BBS9: variants seen among roughly 807,000 people sequenced by gnomAD.
The protein encoded by BBS9 is protein PTHB1.
A neutral mutation model predicts 117.7 loss-of-function variants in BBS9; 89 were observed. The ratio of observed to expected loss-of-function variants is 0.76; its 90% CI spans 0.64 to 0.90. The LOEUF is 0.90. BBS9 is among the 40% of genes least tolerant of loss of function. The pLI is 0.00. For missense variants in BBS9, 982 were observed against 1,042.2 expected (o/e 0.94, Z 0.80); for synonymous variants, 379 against 370.9 (o/e 1.02, Z -0.25).
intron 19 of BBS9, among the ~76,000 whole-genome samples, chr7:33,494,834 G>A (rs757500119): frequency 5.3e-5 from 8 of 152,094 alleles, no homozygotes; most frequent in African/African-American, 9.7e-5. Context: ...CTTCACCAAG[G>A]CAACTTCCAA....
intron 16 of BBS9, among the ~76,000 whole-genome samples, chr7:33,362,278 C>A (rs1049449018): frequency 6.6e-6 from 1 of 151,948 alleles, no homozygotes; most frequent in African/African-American, 2.4e-5. Flanking sequence ...CTTCATAAAC[C>A]CCCCCGTTTA....
At chr7:33,545,085 G>A (rs534720144) in intron 21 of BBS9, among the ~76,000 whole-genome samples, 5 of 152,144 alleles carry the variant, frequency 3.3e-5, no homozygotes, top group Non-Finnish European at 4.4e-5. Flanking sequence ...GGCAGAGGGC[G>A]AGATGAGCTT....
At chr7:33,502,596 C>T (rs962351548) in intron 19 of BBS9, among the ~76,000 whole-genome samples, 3 of 152,134 alleles carry the variant, frequency 2.0e-5, no homozygotes, top group African/African-American at 7.2e-5. Context: ...AGCTGGCTTG[C>T]AAAATTTCTG....
At chr7:33,420,672 A>T (rs529584149) in intron 19 of BBS9, among the ~76,000 whole-genome samples, 22 of 152,232 alleles carry the variant, frequency 1.4e-4, no homozygotes, top group African/African-American at 4.8e-4. Context: ...TTGGAAAAGA[A>T]ATGTTCCATG....
chr7:33,511,410 G>T (rs1008159317), intron 20 of BBS9, among the ~76,000 whole-genome samples: 2 of 152,186 alleles, frequency 1.3e-5, no homozygotes, highest in African/African-American at 2.4e-5. Flanking sequence ...AATGAAAAGA[G>T]CAATAGTGCA....
chr7:33,220,313 C>T (rs1790000715), intron 5 of BBS9, among the ~76,000 whole-genome samples: 1 of 152,092 alleles, frequency 6.6e-6, no homozygotes, highest in South Asian at 2.1e-4. Context: ...AAGGGAGGGG[C>T]ATATTTCCAT....
chr7:33,161,227 C>T (rs1287154194), intron 4 of BBS9, among the ~76,000 whole-genome samples: 6 of 152,038 alleles, frequency 3.9e-5, no homozygotes, highest in South Asian at 2.1e-4. Flanking sequence ...ACCATTAACT[C>T]GTCATTTACA....
intron 19 of BBS9, among the ~76,000 whole-genome samples, chr7:33,463,646 T>C (rs764330276): frequency 6.6e-6 from 1 of 152,082 alleles, no homozygotes; most frequent in Non-Finnish European, 1.5e-5. Flanking sequence ...GCTAGTACAA[T>C]CGGGTTTATA....
chr7:33,380,672 C>G (rs574293323), intron 17 of BBS9: 2 of 152,282 alleles, frequency 1.3e-5, no homozygotes, highest in Non-Finnish European at 2.9e-5. Flanking sequence ...CCCATACCTG[C>G]CACCACCACC....
At chr7:33,275,609 A>G (rs987977953) in intron 9 of BBS9, among the ~76,000 whole-genome samples, 1 of 152,262 alleles carries the variant, frequency 6.6e-6, no homozygotes, top group African/African-American at 2.4e-5. Context: ...CATGTCCTTC[A>G]GGAGCCAATA....
chr7:33,196,564 A>C (rs17170105), intron 5 of BBS9, among the ~76,000 whole-genome samples: 12,593 of 152,248 alleles, frequency 0.083, 556 homozygotes, highest in South Asian at 0.14. Context: ...CTCACCAGTG[A>C]ACCATATGGC....
chr7:33,468,913 G>A (rs1456328884), intron 19 of BBS9, among the ~76,000 whole-genome samples: 1 of 152,012 alleles, frequency 6.6e-6, no homozygotes, highest in Non-Finnish European at 1.5e-5. Context: ...TCCATTGGTG[G>A]ACACTTAGGT....
At chr7:33,434,154 T>C (rs1834937150) in intron 19 of BBS9, among the ~76,000 whole-genome samples, 1 of 151,978 alleles carries the variant, frequency 6.6e-6, no homozygotes, top group Admixed American at 6.6e-5. Context: ...ATATCTCTGG[T>C]TATTTCCATA....
At chr7:33,634,665 G>A (rs998502734) in intron 21 of BBS9, among the ~76,000 whole-genome samples, 1 of 152,154 alleles carries the variant, frequency 6.6e-6, no homozygotes, top group African/African-American at 2.4e-5. Flanking sequence ...GTGCACATTT[G>A]TAGGAAACGG....
chr7:33,157,950 T>G (rs545984096), intron 4 of BBS9, among the ~76,000 whole-genome samples: 1 of 152,340 alleles, frequency 6.6e-6, no homozygotes, highest in South Asian at 2.1e-4. Context: ...GATTTCTTTC[T>G]GATGGGCTTC....
At chr7:33,505,128 CTG>C (rs1001509913) in intron 19 of BBS9, among the ~76,000 whole-genome samples, 1 of 152,130 alleles carries the variant, frequency 6.6e-6, no homozygotes, top group African/African-American at 2.4e-5. Context: ...GTAATAAAGA[CTG>C]TGATAACTTT....
chr7:33,270,186 A>G (rs968533822), intron 7 of BBS9, among the ~76,000 whole-genome samples: 11 of 152,162 alleles, frequency 7.2e-5, no homozygotes, highest in Admixed American at 5.2e-4. Context: ...CCCTCTGAAA[A>G]CATCCAGAAA....
At chr7:33,269,062 G>T (rs1583991192) in intron 7 of BBS9, among the ~76,000 whole-genome samples, 2 of 152,298 alleles carry the variant, frequency 1.3e-5, no homozygotes, top group Admixed American at 1.3e-4. Flanking sequence ...ACCTACCTAT[G>T]TTCACTAGGC....
intron 16 of BBS9, among the ~76,000 whole-genome samples, chr7:33,367,355 T>C (rs1246506694): frequency 1.3e-5 from 2 of 152,200 alleles, no homozygotes; most frequent in Non-Finnish European, 2.9e-5. Context: ...TTTTACTCCA[T>C]TGCAATTATT....
Sources: allele counts gnomAD v4.1 joint callset (sites outside exome capture counted in the v4.1 genomes callset), GRCh38; gene constraint gnomAD v4.1.1; transcripts MANE v1.5; gene names NCBI Gene and HGNC (gene_info 2026-07-23, HGNC 2026-07-21).